Variants in AUTS2 observed in about 807,000 individuals in gnomAD.
The protein encoded by AUTS2 is activator of transcription and developmental regulator AUTS2, also known as autism susceptibility gene 2 protein.
AUTS2 carries 17 observed loss-of-function variants against 112.4 expected under a neutral mutation model. The ratio of observed to expected loss-of-function variants is 0.15; its 90% CI spans 0.10 to 0.23. The LOEUF (loss-of-function observed/expected upper bound fraction) is 0.23. Ranked by LOEUF, AUTS2 falls within the 10% of genes least tolerant of loss-of-function variation. The pLI is 1.00. For missense variants in AUTS2, 1,510 were observed against 1,701.6 expected (o/e 0.89, Z 1.98); for synonymous variants, 751 against 702.7 (o/e 1.07, Z -1.09).
intron 5 of AUTS2, among the ~76,000 whole-genome samples, chr7:70,693,214 A>G (rs1483982460): frequency 6.6e-6 from 1 of 152,098 alleles, no homozygotes; most frequent in Non-Finnish European, 1.5e-5. Context: ...GCTCAGGGGA[A>G]TCTGCTGAGT....
At chr7:69,899,041 T>C (rs973338655) in intron 1 of AUTS2, among the ~76,000 whole-genome samples, 7 of 152,164 alleles carry the variant, frequency 4.6e-5, no homozygotes, top group Non-Finnish European at 8.8e-5. Flanking sequence ...TTTTGATGCA[T>C]ATACTTGTGT....
chr7:69,894,707 A>G (rs956487213), intron 1 of AUTS2, among the ~76,000 whole-genome samples: 7 of 151,998 alleles, frequency 4.6e-5, no homozygotes, highest in Non-Finnish European at 8.8e-5. Flanking sequence ...GTTTCTGGTG[A>G]TAATGTTTCT....
intron 2 of AUTS2, among the ~76,000 whole-genome samples, chr7:70,094,200 A>G (rs953007130): frequency 3.3e-5 from 5 of 152,186 alleles, no homozygotes; most frequent in Non-Finnish European, 5.9e-5. Context: ...AAATGGTTTT[A>G]TGTTTAATCT....
chr7:69,711,646 C>T (rs1220111580), intron 1 of AUTS2, among the ~76,000 whole-genome samples: 2 of 152,106 alleles, frequency 1.3e-5, no homozygotes, highest in African/African-American at 4.8e-5. Flanking sequence ...TCCTTCCTAA[C>T]AAATTTTCCA....
intron 4 of AUTS2, among the ~76,000 whole-genome samples, chr7:70,342,278 T>G (rs1408016885): frequency 6.6e-6 from 1 of 152,104 alleles, no homozygotes; most frequent in African/African-American, 2.4e-5. Flanking sequence ...CATTTTTAAC[T>G]GGAAAGGAAA....
rs142553548 is a variant in AUTS2 at position 69,666,368 on chromosome 7, A to G, written c.309+66406A>G. Among the ~76,000 whole-genome samples, 49 of 152,330 alleles carry G rather than the reference A, an allele frequency of 3.2e-4. No individual in the cohort carries two copies. The East Asian group carries it at 8.9e-3, about 28-fold the overall frequency. On this transcript the variant is annotated intron_variant, in intron 1 of 18. Coordinates refer to ENST00000342771, the MANE Select transcript of AUTS2 (RefSeq NM_015570.4). ...AATTCGAATCGTAATTCAGTAAACA[A>G]TTTTAGGTACCCATCCTAAGTACTT...
intron 10 of AUTS2, chr7:70,771,319 C>T (rs1480889162): frequency 2.8e-6 from 1 of 361,854 alleles, no homozygotes; most frequent in African/African-American, 2.0e-5. Context: ...ATGATGCCCT[C>T]ACCCGGGATG....
rs1281478532 is a variant in AUTS2, at chr7:70,409,930, G to C, written c.661-25822G>C. Among the ~76,000 whole-genome samples the C allele has an allele frequency of 2.0e-5, 3 of 152,316 alleles. No individual in the cohort carries two copies. The East Asian group carries it at 5.8e-4, about 29-fold the overall frequency. ...TCTGATGCAGGCAACTCAGGGACCT[G>C]TTCTCTGACCCACGCACTTGAACAG... On this transcript the variant is annotated intron_variant, in intron 4 of 18. Transcript: ENST00000342771.
rs921585789 is a variant in AUTS2, at chr7:70,305,993, G to A, written c.661-129759G>A. ...CATGTAGGCCAAGAAATGCAAGTGG[G>A]AAAAAAAAAAACTTAAGCTGATGTC... On this transcript the variant is annotated intron_variant, in intron 4 of 18. Transcript: ENST00000342771. 1.5e-4 allele frequency among the ~76,000 whole-genome samples: 21 copies of A among 144,768 alleles called. No homozygotes were observed. In the East Asian group the frequency reaches 3.0e-3, roughly 21 times the overall value. The allele number at this position is 144,768 out of a possible 152,430, so 95.0% of individuals were successfully genotyped here.
At chr7:69,618,540 A>G (rs187839368) in intron 1 of AUTS2, among the ~76,000 whole-genome samples, 79 of 152,312 alleles carry the variant, frequency 5.2e-4, no homozygotes, top group Non-Finnish European at 8.7e-4. Flanking sequence ...TTTTAGCCCC[A>G]GTGAAGTAAA....
chr7:70,055,957 T>C (rs1801974461), intron 2 of AUTS2, among the ~76,000 whole-genome samples: 1 of 151,930 alleles, frequency 6.6e-6, no homozygotes, highest in South Asian at 2.1e-4. Context: ...CTGCTGAGAT[T>C]ATAGGCGTGA....
In AUTS2 at chr7:70,079,130, C is replaced by T. The variant is rs778014871; in HGVS notation, c.523-39002C>T. ...CAGTCATAAGTGACCTTGTGGACTG[C>T]GTATCTTTATGTACCCCTTACACAC... On this transcript the variant is annotated intron_variant, in intron 2 of 18. Coordinates refer to ENST00000342771, the MANE Select transcript of AUTS2 (RefSeq NM_015570.4). Among the ~76,000 whole-genome samples, 10 of 152,138 alleles carry T rather than the reference C, an allele frequency of 6.6e-5. 1 individual carries two copies. In the East Asian group the frequency reaches 1.5e-3, roughly 24 times the overall value.
intron 2 of AUTS2, among the ~76,000 whole-genome samples, chr7:70,056,026 C>T (rs932428455): frequency 2.0e-5 from 3 of 151,792 alleles, no homozygotes; most frequent in Non-Finnish European, 4.4e-5. Flanking sequence ...CTTGCTCTGT[C>T]GCCCAGGCTG....
chr7:70,161,560 A>G (rs1808078281), intron 4 of AUTS2, among the ~76,000 whole-genome samples: 1 of 149,074 alleles, frequency 6.7e-6, no homozygotes, highest in Non-Finnish European at 1.5e-5. Flanking sequence ...ATGGCCTTTT[A>G]TTCTTACACT....
At chr7:70,495,235 T>TA (rs34861688) in intron 5 of AUTS2, among the ~76,000 whole-genome samples, 2,873 of 102,646 alleles carry the variant, frequency 0.028, 40 homozygotes, top group Non-Finnish European at 0.036. Context: ...ACCTTTTCTT[T>TA]AAAAAAAAAA....
At chr7:69,760,757 T>C (rs1340833261) in intron 1 of AUTS2, among the ~76,000 whole-genome samples, 2 of 152,014 alleles carry the variant, frequency 1.3e-5, no homozygotes, top group Non-Finnish European at 2.9e-5. Context: ...GAGGTGGAGG[T>C]TGCAGTGAGC....
chr7:70,517,834 C>CA (rs1799481653), intron 5 of AUTS2, among the ~76,000 whole-genome samples: 4 of 151,716 alleles, frequency 2.6e-5, no homozygotes, highest in Middle Eastern at 3.4e-3. Flanking sequence ...TTGTATATAC[C>CA]CACACACACA....
chr7:70,443,163 C>T (rs1415146869), intron 5 of AUTS2, among the ~76,000 whole-genome samples: 1 of 152,094 alleles, frequency 6.6e-6, no homozygotes, highest in Non-Finnish European at 1.5e-5. Context: ...ATAGGTAAGT[C>T]AACAGAATAA....
At chr7:69,644,932 C>T (rs1436301366) in intron 1 of AUTS2, among the ~76,000 whole-genome samples, 3 of 152,082 alleles carry the variant, frequency 2.0e-5, no homozygotes, top group East Asian at 1.9e-4. Flanking sequence ...TCTTAAGAGA[C>T]GGGGTCTTGC....
Sources: allele counts gnomAD v4.1 joint callset (sites outside exome capture counted in the v4.1 genomes callset), GRCh38; gene constraint gnomAD v4.1.1; transcripts MANE v1.5; gene names NCBI Gene and HGNC (gene_info 2026-07-23, HGNC 2026-07-21).